Variants in ARSG observed in about 807,000 individuals in gnomAD.
The protein encoded by ARSG is arylsulfatase G.
A neutral mutation model predicts 50.5 loss-of-function variants in ARSG; 37 were observed. That is an observed-to-expected ratio of 0.73 (90% CI 0.56 to 0.96). ARSG has a LOEUF of 0.96. Among genes scored for constraint, ARSG ranks in the 50% least tolerant of loss-of-function variants. The probability of loss-of-function intolerance (pLI) is 0.00; values close to 1 mark genes in which losing one functional copy is unlikely to be tolerated. For missense variants in ARSG, 629 were observed against 675.3 expected, an observed-to-expected ratio of 0.93 and a Z score of 0.76; for synonymous variants, 225 against 254.6, an observed-to-expected ratio of 0.88 and a Z score of 1.11.
In ARSG at chr17:68,307,489, C is replaced by A; in HGVS notation, c.-5C>A. 1 of 1,610,902 alleles carries A rather than the reference C, an allele frequency of 6.2e-7. No individual in the cohort carries two copies. Among genetic ancestry groups the A allele is most frequent in the East Asian group, 2.2e-5 (1 of 44,836 alleles). ...CCAGACAATCGGAATCCTGCCTTCACCACCATGGGCTGGCTTTTTCTAAAG... is the reference window on the plus strand; with the variant it reads ...CCAGACAATCGGAATCCTGCCTTCAACACCATGGGCTGGCTTTTTCTAAAG... On this transcript the variant is annotated 5_prime_UTR_variant, in exon 2 of 12. Coordinates refer to ENST00000621439, the MANE Select transcript of ARSG (RefSeq NM_001267727.2).
chr17:68,264,589 C>T (rs1599470057), intron 1 of ARSG, among the ~76,000 whole-genome samples: 2 of 152,020 alleles, frequency 1.3e-5, no homozygotes, highest in African/African-American at 4.8e-5. Context: ...AGGCATGCAG[C>T]ACCATGCCTG....
intron 2 of ARSG, among the ~76,000 whole-genome samples, chr17:68,340,871 T>TA (rs1297113752): frequency 6.6e-6 from 1 of 152,208 alleles, no homozygotes; most frequent in Non-Finnish European, 1.5e-5. Context: ...TCTGTATTTT[T>TA]AAAAAGCATG....
chr17:68,437,005 A>AT, the ARSG span, among the ~76,000 whole-genome samples: 1,552 of 107,236 alleles, frequency 0.014, 48 homozygotes, highest in East Asian at 0.12. Flanking sequence ...AAAAAAAAAA[A>AT]ATATATATAT....
chr17:68,442,670 A>G, the ARSG span, among the ~76,000 whole-genome samples: 1 of 152,102 alleles, frequency 6.6e-6, no homozygotes, highest in Non-Finnish European at 1.5e-5. Context: ...CAAATCCCTG[A>G]AGGCCCAGCT....
the ARSG span, among the ~76,000 whole-genome samples, chr17:68,429,657 C>T: frequency 1.6e-3 from 247 of 152,124 alleles, no homozygotes; most frequent in African/African-American, 2.2e-3. Flanking sequence ...GGCATGATCT[C>T]GGCTCACTGC....
At chr17:68,369,676 T>C (rs939927370) in intron 7 of ARSG, among the ~76,000 whole-genome samples, 3 of 152,218 alleles carry the variant, frequency 2.0e-5, no homozygotes, top group Non-Finnish European at 2.9e-5. Context: ...TCAGTCTCCT[T>C]TTCCTCATCT....
chr17:68,294,644 C>G (rs535718429), intron 1 of ARSG, among the ~76,000 whole-genome samples: 14 of 152,252 alleles, frequency 9.2e-5, no homozygotes, highest in Non-Finnish European at 1.5e-5. Flanking sequence ...AGTCTCTGTT[C>G]CACCCACCAT....
intron 8 of ARSG, among the ~76,000 whole-genome samples, chr17:68,371,533 A>T (rs2079846776): frequency 6.6e-6 from 1 of 152,180 alleles, no homozygotes; most frequent in South Asian, 2.1e-4. Flanking sequence ...GAGCTTTGCC[A>T]CAAGGACCTC....
At chr17:68,266,031 C>T (rs1226473193) in intron 1 of ARSG, among the ~76,000 whole-genome samples, 4 of 152,248 alleles carry the variant, frequency 2.6e-5, no homozygotes, top group Admixed American at 6.5e-5. Flanking sequence ...TGTTTACTTA[C>T]AGGTTGCAAC....
upstream of ARSG, among the ~76,000 whole-genome samples, chr17:68,289,010 T>G (rs1440589786): frequency 6.6e-6 from 1 of 152,152 alleles, no homozygotes; most frequent in Non-Finnish European, 1.5e-5. Context: ...ACGGGCAGTT[T>G]GGAGGATTTC....
intron 2 of ARSG, among the ~76,000 whole-genome samples, chr17:68,308,858 A>G (rs1372259516): frequency 1.3e-5 from 2 of 152,260 alleles, no homozygotes; most frequent in African/African-American, 4.8e-5. Flanking sequence ...CACCCAGTGG[A>G]TCCCGCACCG....
At chr17:68,350,368 G>A (rs1599831749) in intron 4 of ARSG, among the ~76,000 whole-genome samples, 2 of 152,216 alleles carry the variant, frequency 1.3e-5, no homozygotes, top group African/African-American at 2.4e-5. Flanking sequence ...TGTGAGATTC[G>A]AGTTCTATCT....
downstream of ARSG, chr17:68,426,242 TG>T: frequency 3.0e-6 from 2 of 669,002 alleles, no homozygotes; most frequent in Non-Finnish European, 4.4e-6. Flanking sequence ...ACCTGGCGGG[TG>T]GGGAGCGGGG....
At chr17:68,300,204 C>A (rs2076361040) in intron 1 of ARSG, among the ~76,000 whole-genome samples, 1 of 152,130 alleles carries the variant, frequency 6.6e-6, no homozygotes, top group South Asian at 2.1e-4. Flanking sequence ...CCTCAGCCTC[C>A]CAAAGCGCTG....
intron 5 of ARSG, among the ~76,000 whole-genome samples, chr17:68,352,745 G>A (rs1209492446): frequency 6.6e-6 from 1 of 152,052 alleles, no homozygotes; most frequent in African/African-American, 2.4e-5. Context: ...CCTGACCTCA[G>A]GTGATCTGCC....
At chr17:68,428,237 T>A in the ARSG span, 3 of 147,882 alleles carry the variant, frequency 2.0e-5, no homozygotes, top group Non-Finnish European at 3.0e-5. Context: ...GGTTTTTTTT[T>A]TTTTTTATTT....
chr17:68,290,116 T>G (rs1023813590), upstream of ARSG, among the ~76,000 whole-genome samples: 2 of 152,204 alleles, frequency 1.3e-5, no homozygotes, highest in African/African-American at 4.8e-5. Context: ...AGAAATCTCA[T>G]TCCCGGGGTA....
rs961873077 is a variant in ARSG, at chr17:68,399,166, G to A, written c.1213-2194G>A. Among the ~76,000 whole-genome samples the A allele has an allele frequency of 6.6e-6, 1 of 152,098 alleles. No individual in the cohort carries two copies. The highest frequency in any genetic ancestry group is 2.4e-5 in the African/African-American group (1 of 41,428). The stretch of plus-strand genomic sequence containing the variant: ...GACACGCCCCTGGAGGCCATACATC[G>A]AGGAAACAAGCTGAGTTTTAATGTC... On this transcript the variant is annotated intron_variant, in intron 10 of 11. Coordinates refer to ENST00000621439, the MANE Select transcript of ARSG (RefSeq NM_001267727.2). The surrounding 1 kb of genome is among the most constrained non-coding windows in gnomAD (Gnocchi z 4.6).
Position 68,322,563 on chromosome 17 carries a change from G to A in ARSG, c.218+14852G>A, listed in dbSNP as rs78693732. Among the ~76,000 whole-genome samples the A allele has an allele frequency of 2.0e-4, 31 of 152,148 alleles. No homozygotes were observed. The East Asian group carries it at 4.1e-3, about 20-fold the overall frequency. On this transcript the variant is annotated intron_variant, in intron 2 of 11. Transcript: ENST00000621439. ...ACCTGGGAGGCGGAGGTTGCAGTGCGCCAAGATTGTGCCACTGCACTCCAG... is the reference window on the plus strand; with the variant it reads ...ACCTGGGAGGCGGAGGTTGCAGTGCACCAAGATTGTGCCACTGCACTCCAG...
Sources: gnomAD v4.1 joint callset for allele counts (sites outside exome capture counted in the v4.1 genomes callset) on GRCh38, gnomAD v4.1.1 for gene constraint, Gnocchi (gnomAD v3.1) non-coding constraint, MANE v1.5 for transcripts, NCBI Gene and HGNC (gene_info 2026-07-23, HGNC 2026-07-21) for gene names.